Variants in HSF2BP observed in about 807,000 individuals in gnomAD.
HSF2BP encodes the protein heat shock transcription factor 2 binding protein, also known as heat shock factor 2-binding protein.
In HSF2BP, 35 loss-of-function variants were observed where a neutral mutation model predicts 35.0. The ratio of observed to expected loss-of-function variants is 1.00; its 90% CI spans 0.76 to 1.32. The LOEUF is 1.32. HSF2BP is among the 40% of genes most tolerant of loss of function. HSF2BP has a pLI of 0.00. For synonymous variants in HSF2BP, 114 were observed against 117.4 expected (o/e 0.97, Z 0.18); for missense variants, 326 against 321.7 (o/e 1.01, Z -0.10).
Position 43,656,595 on chromosome 21 carries a change from A to G in HSF2BP, c.179T>C (p.Val60Ala). The change falls in exon 3 of 9, where the codon GTA becomes GCA. Residue 60 changes from valine (V) to alanine (A), a missense_variant. Val to Ala is a moderately conservative substitution (Grantham distance 64). Coordinates refer to ENST00000291560, the MANE Select transcript of HSF2BP (RefSeq NM_007031.2). Reference protein sequence around the residue: ...VLESFQKLKIVEKNLERKEQE... With the variant: ...VLESFQKLKIAEKNLERKEQE... ...TGAAAATGAAGACTCACTTTTTTCT[A>G]CAATCTTTAATTTCTGGAAGCTCTC... 3 of 1,604,932 alleles carry G rather than the reference A, an allele frequency of 1.9e-6. No homozygotes were observed. The highest frequency in any genetic ancestry group is 2.5e-6 in the Non-Finnish European group (3 of 1,177,838).
chr21:43,581,335 A>G (rs893929069), intron 8 of HSF2BP, among the ~76,000 whole-genome samples: 2 of 152,004 alleles, frequency 1.3e-5, no homozygotes, highest in Non-Finnish European at 2.9e-5. Flanking sequence ...GCAGTGAGCC[A>G]AGATCACGCC....
intron 4 of HSF2BP, among the ~76,000 whole-genome samples, chr21:43,637,916 C>T (rs574948873): frequency 3.2e-4 from 48 of 152,208 alleles, no homozygotes; most frequent in African/African-American, 1.0e-3. Context: ...TCATAATTAA[C>T]GCTGAAAGAT....
chr21:43,577,535 A>G lies in HSF2BP; in HGVS notation c.796+14690T>C, dbSNP rs142580736. 6.7e-3 allele frequency among the ~76,000 whole-genome samples: 1,025 copies of G among 152,284 alleles called. 12 individuals carry two copies. The highest frequency in any genetic ancestry group is 0.023 in the African/African-American group (962 of 41,566). On this transcript the variant is annotated intron_variant, in intron 8 of 8. Transcript: ENST00000291560. ...TTCTCTGCCTGCCCCAACAGCATCAACTGTAAGGCTGGCATTCGGGGCCAC... is the reference window on the plus strand; with the variant it reads ...TTCTCTGCCTGCCCCAACAGCATCAGCTGTAAGGCTGGCATTCGGGGCCAC...
chr21:43,603,267 G>C (rs2082073259), intron 7 of HSF2BP, among the ~76,000 whole-genome samples: 1 of 152,140 alleles, frequency 6.6e-6, no homozygotes, highest in Non-Finnish European at 1.5e-5. Flanking sequence ...CAGCGCTCAG[G>C]GCCCCCCGCA....
At chr21:43,610,824 T>G (rs2082195111) in intron 7 of HSF2BP, among the ~76,000 whole-genome samples, 1 of 152,318 alleles carries the variant, frequency 6.6e-6, no homozygotes, top group South Asian at 2.1e-4. Flanking sequence ...GGAAAACTCC[T>G]GGAGAACTCT....
chr21:43,611,171 A>C (rs1199932606), intron 7 of HSF2BP, among the ~76,000 whole-genome samples: 2 of 152,020 alleles, frequency 1.3e-5, no homozygotes, highest in Non-Finnish European at 2.9e-5. Context: ...ACTTAAGCCT[A>C]AGAGGTCGAG....
At chr21:43,636,483 A>C (rs2082560655) in intron 4 of HSF2BP, among the ~76,000 whole-genome samples, 1 of 152,242 alleles carries the variant, frequency 6.6e-6, no homozygotes, top group South Asian at 2.1e-4. Context: ...ACAGGCTAAG[A>C]GAAAGTACTT....
chr21:43,641,242 G>A (rs1047993569), intron 4 of HSF2BP, among the ~76,000 whole-genome samples: 25 of 152,030 alleles, frequency 1.6e-4, no homozygotes, highest in East Asian at 1.6e-3. Context: ...CTTATGATCC[G>A]CCCACCTCAG....
At chr21:43,657,155 G>A (rs144783848) in intron 2 of HSF2BP, among the ~76,000 whole-genome samples, 1 of 152,194 alleles carries the variant, frequency 6.6e-6, no homozygotes, top group African/African-American at 2.4e-5. Context: ...TGGATCACCT[G>A]AGGTCAGGAG....
chr21:43,629,950 T>C (rs1244051852), intron 6 of HSF2BP, among the ~76,000 whole-genome samples: 1 of 152,224 alleles, frequency 6.6e-6, no homozygotes, highest in East Asian at 1.9e-4. Flanking sequence ...TTAATCAATG[T>C]GGCAAACTTC....
At chr21:43,604,403 A>ACACACCACACACACCCCACACAC (rs2082093124) in intron 7 of HSF2BP, among the ~76,000 whole-genome samples, 1 of 138,080 alleles carries the variant, frequency 7.2e-6, no homozygotes, top group Non-Finnish European at 1.5e-5. Context: ...CACACTACAC[A>ACACACCACACACACCCCACACAC]CACACCATAC....
chr21:43,646,107 C>T (rs984803668), intron 3 of HSF2BP, among the ~76,000 whole-genome samples: 2 of 148,238 alleles, frequency 1.3e-5, no homozygotes, highest in Non-Finnish European at 3.0e-5. Flanking sequence ...CACTTGAGGC[C>T]AGGAGTTCGA....
intron 4 of HSF2BP, among the ~76,000 whole-genome samples, chr21:43,643,669 C>T (rs924314142): frequency 6.6e-6 from 1 of 152,196 alleles, no homozygotes; most frequent in Non-Finnish European, 1.5e-5. Context: ...TTATAAATTA[C>T]TCAGCCTCGC....
intron 6 of HSF2BP, among the ~76,000 whole-genome samples, chr21:43,618,438 G>A (rs1338412965): frequency 1.3e-5 from 2 of 152,170 alleles, no homozygotes; most frequent in Non-Finnish European, 2.9e-5. Context: ...AGAATTGAGA[G>A]TACAGAAATA....
At chr21:43,458,197 C>T in the HSF2BP span, among the ~76,000 whole-genome samples, 1 of 68,788 alleles carries the variant, frequency 1.5e-5, no homozygotes, top group Non-Finnish European at 2.9e-5. Flanking sequence ...CCCTCGCTCT[C>T]AACCACCACA....
chr21:43,617,100 C>A, intron 6 of HSF2BP, among the ~76,000 whole-genome samples: 1 of 152,104 alleles, frequency 6.6e-6, no homozygotes, highest in Admixed American at 6.6e-5. Context: ...AGAGCAGAAG[C>A]AGCAAACTGT....
chr21:43,605,887 C>T lies in HSF2BP; in HGVS notation c.692+7943G>A, dbSNP rs199497830. ...ACCCAAATACATCCTCATTTCCCCA[C>T]GCCCCGCCACATATACACACCCACA... On this transcript the variant is annotated intron_variant, in intron 7 of 8. Coordinates refer to ENST00000291560, the MANE Select transcript of HSF2BP (RefSeq NM_007031.2). Among the ~76,000 whole-genome samples the T allele has an allele frequency of 4.0e-5, 6 of 151,770 alleles. No individual in the cohort carries two copies. In the East Asian group the frequency reaches 9.8e-4, roughly 25 times the overall value.
chr21:43,645,136 G>A lies in HSF2BP; in HGVS notation c.188-744C>T, dbSNP rs185282601. The stretch of plus-strand genomic sequence containing the variant: ...GATCTCAAAAGCTAGGAAATCATCA[G>A]TTTTTATGCCAACATATACCAAGAT... On this transcript the variant is annotated intron_variant, in intron 3 of 8. Coordinates refer to ENST00000291560, the MANE Select transcript of HSF2BP (RefSeq NM_007031.2). Among the ~76,000 whole-genome samples the A allele has an allele frequency of 2.3e-4, 35 of 152,298 alleles. No homozygotes were observed. In the East Asian group the frequency reaches 5.0e-3, roughly 22 times the overall value.
At chr21:43,574,775 C>T (rs2081620972) in intron 8 of HSF2BP, among the ~76,000 whole-genome samples, 1 of 152,196 alleles carries the variant, frequency 6.6e-6, no homozygotes. Flanking sequence ...AGCAGCTGTC[C>T]TCGAGGCTGA....
Sources: allele counts gnomAD v4.1 joint callset (sites outside exome capture counted in the v4.1 genomes callset), GRCh38; gene constraint gnomAD v4.1.1; transcripts MANE v1.5; gene names NCBI Gene and HGNC (gene_info 2026-07-23, HGNC 2026-07-21).